Variants in NOLC1 observed in about 807,000 individuals in gnomAD.
The protein encoded by NOLC1 is nucleolar and coiled-body phosphoprotein 1.
Under a neutral mutation model 73.4 loss-of-function variants are expected in NOLC1, and 37 were observed. The ratio of observed to expected loss-of-function variants is 0.50; its 90% CI spans 0.39 to 0.66. The LOEUF (loss-of-function observed/expected upper bound fraction) is 0.66. Among genes scored for constraint, NOLC1 ranks in the 30% least tolerant of loss-of-function variants. The pLI, the probability that NOLC1 is intolerant of heterozygous loss-of-function variation, is 0.00. For missense variants in NOLC1, 921 were observed against 838.9 expected (o/e 1.10, Z -1.21); for synonymous variants, 327 against 302.6 (o/e 1.08, Z -0.84).
chr10:102,159,388 T>A, intron 6 of NOLC1, 45 bp from the exon 7 acceptor site: 1 of 1,613,736 alleles, frequency 6.2e-7, no homozygotes, highest in African/African-American at 1.3e-5. Context: ...CAGGATTGGT[T>A]GGGTCAGCAT....
intron 10 of NOLC1, 71 bp from the exon 11 acceptor site, chr10:102,161,485 G>A (rs561671944): frequency 8.1e-6 from 9 of 1,114,678 alleles, no homozygotes; most frequent in Non-Finnish European, 1.2e-5. Flanking sequence ...TCCTACCTTG[G>A]ACTCCCAAAA....
At position 102,161,748 on chromosome 10, in the gene NOLC1, C is replaced by G. The variant is rs2069713156; in HGVS notation, c.1849-85C>G. The G allele has an allele frequency of 2.0e-6, 3 of 1,527,374 alleles. No homozygotes were observed. The South Asian group carries it at 3.4e-5, about 17-fold the overall frequency. The allele number at this position is 1,527,374 out of a possible 1,614,324, so 94.6% of individuals were successfully genotyped here. A position where few individuals can be genotyped will look rare whatever the true frequency, so the allele number is the denominator to read the frequency against. Reference sequence around the variant, plus strand: ...ATCTTGACAGCTCTGCCTGGCGTGACCTGGTACATGTGCCCATGTGTATCA... The same window carrying G: ...ATCTTGACAGCTCTGCCTGGCGTGAGCTGGTACATGTGCCCATGTGTATCA... On this transcript the variant is annotated intron_variant, in intron 11 of 12. Coordinates refer to ENST00000605788, the MANE Select transcript of NOLC1 (RefSeq NM_004741.5).
In NOLC1 at chr10:102,152,489, C is replaced by A. The variant is rs1289684347; in HGVS notation, c.79C>A (p.Leu27Ile). 1.2e-6 allele frequency: 2 copies of A among 1,613,768 alleles called. No individual in the cohort carries two copies. The highest frequency in any genetic ancestry group is 4.5e-5 in the East Asian group (2 of 44,900). ...LVLGFLRDNQLSEVANKFAKA... is the reference protein window; with the variant it reads ...LVLGFLRDNQISEVANKFAKA... Reference sequence around the variant, plus strand: ...GCTCGGCTTCCTGCGCGATAACCAACTCTCAGAGGTGGCCAATAAGTTCGC... The same window carrying A: ...GCTCGGCTTCCTGCGCGATAACCAAATCTCAGAGGTGGCCAATAAGTTCGC... Residue 27 changes from leucine to isoleucine, a missense_variant, in exon 1 of 13, where the codon CTC becomes ATC. Leu to Ile is a conservative substitution (Grantham distance 5). Transcript: ENST00000605788.
intron 1 of NOLC1, 88 bp downstream of exon 1, chr10:102,152,618 C>T (rs2069525001): frequency 1.9e-6 from 3 of 1,569,192 alleles, no homozygotes; most frequent in South Asian, 2.3e-5. Context: ...GTGGGGAAGT[C>T]TGGGGGTCCG....
chr10:102,153,106 T>C (rs2069533844), intron 1 of NOLC1, among the ~76,000 whole-genome samples: 1 of 152,172 alleles, frequency 6.6e-6, no homozygotes, highest in African/African-American at 2.4e-5. Context: ...CTTTGGCTAA[T>C]TGAATCAAAC....
At chr10:102,161,506 A>G (rs1451232138) in intron 10 of NOLC1, 50 bp from the exon 11 acceptor site, 1 of 1,401,990 alleles carries the variant, frequency 7.1e-7, no homozygotes, top group Non-Finnish European at 1.0e-6. Context: ...TGCTGGGGTT[A>G]CAGTTGTGAG....
rs752481092 is a variant in NOLC1, at chr10:102,159,569, GT to G, written c.859+2del. ...AAAAAACCCATGAAAAATAAACCAGGTGACTGGACATGGGGAGCGAAGCTGT... is the reference window on the plus strand; with the variant it reads ...AAAAAACCCATGAAAAATAAACCAGGGACTGGACATGGGGAGCGAAGCTGT... On this transcript the variant is annotated splice_donor_variant, in intron 7 of 12. Coordinates refer to ENST00000605788, the MANE Select transcript of NOLC1 (RefSeq NM_004741.5). LOFTEE classifies it high-confidence loss of function. 1.5e-5 allele frequency: 25 copies of G among 1,613,678 alleles called. No individual in the cohort carries two copies. Among genetic ancestry groups the G allele is most frequent in the Non-Finnish European group, 2.0e-5 (24 of 1,179,928 alleles).
intron 4 of NOLC1, 48 bp downstream of exon 4, chr10:102,157,603 A>T: frequency 6.3e-7 from 1 of 1,588,814 alleles, no homozygotes; most frequent in South Asian, 1.1e-5. Context: ...AGAAAGGAAG[A>T]AACCTAAAAT....
chr10:102,160,103 C>T (rs1339078568), intron 8 of NOLC1, 79 bp downstream of exon 8: 1 of 1,588,348 alleles, frequency 6.3e-7, no homozygotes, highest in Non-Finnish European at 8.6e-7. Context: ...GAAAGCCTTC[C>T]ATCCTTCGGT....
chr10:102,159,572 A>T lies in NOLC1; in HGVS notation c.859+4A>T. ...AAACCCATGAAAAATAAACCAGGTG[A>T]CTGGACATGGGGAGCGAAGCTGTGT... On this transcript the variant is annotated splice_donor_region_variant and intron_variant, in intron 7 of 12. Coordinates refer to ENST00000605788, the MANE Select transcript of NOLC1 (RefSeq NM_004741.5). 6.2e-7 allele frequency: 1 copy of T among 1,613,508 alleles called. No homozygotes were observed. Among genetic ancestry groups the T allele is most frequent in the Non-Finnish European group, 8.5e-7 (1 of 1,179,834 alleles).
rs985893555 is a variant in NOLC1 at position 102,160,682 on chromosome 10, A to G, written c.1330A>G (p.Thr444Ala). ...GGAGAAGACAAAGAAGATGGTGGCC[A>G]CCACTAAGCCCAAGGCGACTGCCAA... ...EEEKTKKMVA[T>A]TKPKATAKAA... is the part of the protein sequence containing the mutation. The change falls in exon 10 of 13, where the codon ACC (threonine) becomes GCC (alanine). Residue 444 changes from threonine to alanine, a missense_variant. Coordinates refer to ENST00000605788, the MANE Select transcript of NOLC1 (RefSeq NM_004741.5). 6.2e-7 allele frequency: 1 copy of G among 1,614,026 alleles called. No individual in the cohort carries two copies. The highest frequency in any genetic ancestry group is 1.3e-5 in the African/African-American group (1 of 75,030).
In NOLC1 at chr10:102,159,551, C is replaced by T. The variant is rs765405438; in HGVS notation, c.842C>T (p.Pro281Leu). 2 of 1,614,078 alleles carry T rather than the reference C, an allele frequency of 1.2e-6. No homozygotes were observed. Among genetic ancestry groups the T allele is most frequent in the Non-Finnish European group, 1.7e-6 (2 of 1,180,022 alleles). ...GACGAGGAAGAGGAGCAAAAAAAACCCATGAAAAATAAACCAGGTGACTGG... is the reference window on the plus strand; with the variant it reads ...GACGAGGAAGAGGAGCAAAAAAAACTCATGAAAAATAAACCAGGTGACTGG... ...SSDEEEEQKK[P>L]MKNKPGPYSS... Residue 281 changes from proline to leucine, a missense_variant, in exon 7 of 13, where the codon CCC (proline) becomes CTC (leucine). By Grantham distance (98) the Pro-to-Leu change is moderately conservative (BLOSUM62 -3). Transcript: ENST00000605788.
Position 102,160,394 on chromosome 10 carries a change from T to C in NOLC1, c.1099+51T>C, listed in dbSNP as rs1308714788. On this transcript the variant is annotated intron_variant, in intron 9 of 12. Transcript: ENST00000605788. ...CAGTGAGATGCTCTCAGGCAGCTGC[T>C]AAGGGCTCCCCTGAATCCAATTTGG... 5 of 1,613,158 alleles carry C rather than the reference T, an allele frequency of 3.1e-6. No individual in the cohort carries two copies. The African/African-American group carries it at 6.7e-5, about 22-fold the overall frequency.
chr10:102,157,289 G>A lies in NOLC1; in HGVS notation c.277G>A (p.Glu93Lys), dbSNP rs201201623. ...SSSDSEDSSEEEEEVQGPPAK... is the reference protein window; with the variant it reads ...SSSDSEDSSEKEEEVQGPPAK... ...CAGTGACAGTGAGGACAGCAGCGAG[G>A]AGGAGGAGGAAGTTCAAGGGCCTCC... The change falls in exon 3 of 13, where the codon GAG (glutamate) becomes AAG (lysine). Residue 93 changes from glutamate (E) to lysine (K), a missense_variant. Coordinates refer to ENST00000605788, the MANE Select transcript of NOLC1 (RefSeq NM_004741.5). The A allele has an allele frequency of 1.2e-6, 2 of 1,614,238 alleles. No individual in the cohort carries two copies. Among genetic ancestry groups the A allele is most frequent in the South Asian group, 2.2e-5 (2 of 91,076 alleles).
chr10:102,155,022 A>ATTTTTTTTTTTTTTTTT (rs34034390), intron 1 of NOLC1, among the ~76,000 whole-genome samples: 12 of 131,234 alleles, frequency 9.1e-5, no homozygotes, highest in African/African-American at 3.1e-4. Flanking sequence ...CACCTGGCTA[A>ATTTTTTTTTTTTTTTTT]TTTTTTTTTT....
chr10:102,160,014 T>G lies in NOLC1; in HGVS notation c.978T>G (p.Ser326Arg), dbSNP rs200772240. The change falls in exon 8 of 13, where the codon AGT (serine) becomes AGG (arginine). Residue 326 changes from serine (S) to arginine (R), a missense_variant. Physicochemically the swap from Ser to Arg is moderately radical, Grantham distance 110. Coordinates refer to ENST00000605788, the MANE Select transcript of NOLC1 (RefSeq NM_004741.5). ...QQPVESSEDS[S>R]DESDSSSEEE... ...CTGTGGAAAGCAGTGAAGACAGCAGTGATGAGTCTGGTGAGTCAGAGGGAT... is the reference window on the plus strand; with the variant it reads ...CTGTGGAAAGCAGTGAAGACAGCAGGGATGAGTCTGGTGAGTCAGAGGGAT... The G allele has an allele frequency of 6.2e-7, 1 of 1,612,828 alleles. No individual in the cohort carries two copies. Among genetic ancestry groups the G allele is most frequent in the East Asian group, 2.2e-5 (1 of 44,842 alleles).
intron 1 of NOLC1, among the ~76,000 whole-genome samples, chr10:102,154,740 G>A (rs1458540957): frequency 6.6e-6 from 1 of 152,060 alleles, no homozygotes; most frequent in African/African-American, 2.4e-5. Flanking sequence ...TACCAGCCAG[G>A]CTGGTCTCAA....
Position 102,160,498 on chromosome 10 carries a change from T to A in NOLC1, c.1146T>A (p.Gly382=), listed in dbSNP as rs145855726. The change falls in exon 10 of 13, where the codon GGT becomes GGA. Residue 382 remains glycine (G), a synonymous_variant. Transcript: ENST00000605788. ...EDDEAPSKPA[G]TTKNSSNKPA... ...ATGAAGCTCCTTCTAAGCCAGCTGG[T>A]ACCACCAAGAATTCTTCAAATAAGC... 685 of 1,614,176 alleles carry A rather than the reference T, an allele frequency of 4.2e-4. 5 individuals are homozygous for A. The African/African-American group carries it at 7.9e-3, about 19-fold the overall frequency.
Position 102,158,165 on chromosome 10 carries a change from G to C in NOLC1, c.558G>C (p.Lys186Asn), listed in dbSNP as rs1298318811. The C allele has an allele frequency of 6.2e-7, 1 of 1,614,032 alleles. No homozygotes were observed. Among genetic ancestry groups the C allele is most frequent in the Non-Finnish European group, 8.5e-7 (1 of 1,180,032 alleles). Residue 186 changes from lysine (K) to asparagine (N), a missense_variant, in exon 5 of 13, where the codon AAG becomes AAC. Coordinates refer to ENST00000605788, the MANE Select transcript of NOLC1 (RefSeq NM_004741.5). ...EDEPPKNQKP[K>N]ITPVTVKAQT... ...AGCCACCAAAGAACCAGAAGCCAAA[G>C]ATAACACCTGTGACAGTTAAAGCTC...
Sources: gnomAD v4.1 joint callset for allele counts (sites outside exome capture counted in the v4.1 genomes callset) on GRCh38, gnomAD v4.1.1 for gene constraint, MANE v1.5 for transcripts, NCBI Gene and HGNC (gene_info 2026-07-23, HGNC 2026-07-21) for gene names.